Variants in ANKS3 observed in about 807,000 individuals in gnomAD.
The protein encoded by ANKS3 is ankyrin repeat and sterile alpha motif domain containing 3, also known as ankyrin repeat and SAM domain-containing protein 3.
ANKS3 carries 62 observed loss-of-function variants against 80.7 expected under a neutral mutation model. That is an observed-to-expected ratio of 0.77 (90% CI 0.63 to 0.95). The LOEUF (loss-of-function observed/expected upper bound fraction) is 0.95, where lower values mean the gene tolerates loss of function less well. Ranked by LOEUF, ANKS3 falls within the 40% of genes least tolerant of loss-of-function variation. The pLI, the probability that ANKS3 is intolerant of heterozygous loss-of-function variation, is 0.00. For missense variants in ANKS3, 1,150 were observed against 883.6 expected (o/e 1.30, Z -3.82); for synonymous variants, 489 against 355.3 (o/e 1.38, Z -4.23).
chr16:4,725,318 G>A (rs535695529), intron 5 of ANKS3, among the ~76,000 whole-genome samples: 20 of 152,276 alleles, frequency 1.3e-4, no homozygotes, highest in African/African-American at 4.1e-4. Context: ...ACTCGGCACT[G>A]TCTTCAGAGG....
Position 4,696,635 on chromosome 16 carries a change from T to G in ANKS3, c.*273A>C, listed in dbSNP as rs2079567390. On this transcript the variant is annotated 3_prime_UTR_variant, in exon 18 of 18. Transcript: ENST00000304283. ...TGGATACACTTTCCCCCCAGGGCCC[T>G]GCCTGGTATGGGCCAGGGCAGCCCA... is the stretch of plus-strand genomic sequence containing the variant. 3.8e-6 allele frequency: 1 copy of G among 261,864 alleles called. No homozygotes were observed. Among genetic ancestry groups the G allele is most frequent in the African/African-American group, 2.2e-5 (1 of 44,694 alleles). 16.2% of individuals were successfully genotyped at this position (261,864 alleles called of 1,614,324 possible). A position where few individuals can be genotyped will look rare whatever the true frequency, so the allele number is the denominator to read the frequency against.
chr16:4,727,284 A>G, intron 3 of ANKS3, 107 bp from the exon 4 acceptor site: 1 of 1,138,812 alleles, frequency 8.8e-7, no homozygotes, highest in Non-Finnish European at 1.3e-6. Flanking sequence ...CAGGAAGCAG[A>G]AGTTATCTGC....
intron 1 of ANKS3, among the ~76,000 whole-genome samples, 197 bp downstream of exon 1, chr16:4,733,741 T>C (rs752775863): frequency 6.6e-6 from 1 of 152,182 alleles, no homozygotes; most frequent in Non-Finnish European, 1.5e-5. Context: ...GCCATAAATA[T>C]ATACACCTAC....
Position 4,705,107 on chromosome 16 carries a change from G to T in ANKS3, c.856C>A (p.Arg286=). 6.2e-7 allele frequency: 1 copy of T among 1,612,574 alleles called. No individual in the cohort carries two copies. Among genetic ancestry groups the T allele is most frequent in the Non-Finnish European group, 8.5e-7 (1 of 1,180,000 alleles). The stretch of plus-strand genomic sequence containing the variant: ...GCGGGCCACTCACCATAGCGAGGCC[G>T]TGGGGCTCTGCCGCCCAGGCCAATG... ...TGIGLGGRAP[R]PRYEQAPPRG... Residue 286 remains arginine, a synonymous_variant, in exon 8 of 18, where the codon CGG becomes AGG. Transcript: ENST00000304283.
In ANKS3 at chr16:4,727,047, C is replaced by T. The variant is rs912412051; in HGVS notation, c.301G>A (p.Glu101Lys). The change falls in exon 4 of 18, where the codon GAA (glutamate) becomes AAA (lysine). Residue 101 changes from glutamate to lysine, a missense_variant. By Grantham distance (56) the Glu-to-Lys change is moderately conservative. Transcript: ENST00000304283. Reference protein sequence around the residue: ...AGVSVNVPTPEGQTPLMLASS... With the variant: ...AGVSVNVPTPKGQTPLMLASS... ...GCCAGCATCAGTGGAGTCTGCCCTT[C>T]TGGGGTCGGCACATTCACACTCACC... is the stretch of plus-strand genomic sequence containing the variant. 3 of 1,614,212 alleles carry T rather than the reference C, an allele frequency of 1.9e-6. No individual in the cohort carries two copies. Among genetic ancestry groups the T allele is most frequent in the East Asian group, 2.2e-5 (1 of 44,890 alleles).
intron 8 of ANKS3, among the ~76,000 whole-genome samples, chr16:4,702,972 C>T (rs1261027423): frequency 6.6e-6 from 1 of 152,162 alleles, no homozygotes; most frequent in Admixed American, 6.5e-5. Flanking sequence ...CACTGCACTC[C>T]AGCCTGGGCT....
At chr16:4,714,579 A>G (rs1369570260) in intron 6 of ANKS3, among the ~76,000 whole-genome samples, 1 of 152,388 alleles carries the variant, frequency 6.6e-6, no homozygotes, top group Non-Finnish European at 1.5e-5. Context: ...CCTCTGAAGC[A>G]GAATTCGTAA....
In ANKS3 at chr16:4,696,698, C is replaced by A. The variant is rs2079570469; in HGVS notation, c.*210G>T. On this transcript the variant is annotated 3_prime_UTR_variant, in exon 18 of 18. Transcript: ENST00000304283. ...CTCACCACGAGGTTCTGGGTGAGGCCCTCGTCCCGCCTCAGTGCTGGCCCG... is the reference window on the plus strand; with the variant it reads ...CTCACCACGAGGTTCTGGGTGAGGCACTCGTCCCGCCTCAGTGCTGGCCCG... 2.4e-6 allele frequency: 1 copy of A among 417,930 alleles called. No individual in the cohort carries two copies. The highest frequency in any genetic ancestry group is 4.5e-6 in the Non-Finnish European group (1 of 224,258). 25.9% of individuals were successfully genotyped at this position (417,930 alleles called of 1,614,324 possible). A position where few individuals can be genotyped will look rare whatever the true frequency, so the allele number is the denominator to read the frequency against.
intron 14 of ANKS3, 137 bp downstream of exon 14, chr16:4,698,290 G>T: frequency 7.8e-7 from 1 of 1,289,156 alleles, no homozygotes; most frequent in Non-Finnish European, 1.0e-6. Flanking sequence ...AGGGCCTGAT[G>T]AAATGGGGGT....
chr16:4,719,201 A>G (rs771339414), intron 6 of ANKS3, among the ~76,000 whole-genome samples: 1 of 152,140 alleles, frequency 6.6e-6, no homozygotes, highest in Non-Finnish European at 1.5e-5. Flanking sequence ...GTGTGATAGC[A>G]TGCGCTTGTG....
intron 6 of ANKS3, among the ~76,000 whole-genome samples, chr16:4,714,576 A>C (rs1444328316): frequency 6.6e-6 from 1 of 152,374 alleles, no homozygotes; most frequent in South Asian, 2.1e-4. Flanking sequence ...CATCCTCTGA[A>C]GCAGAATTCG....
Position 4,733,934 on chromosome 16 carries a change from TCA to T in ANKS3, c.-71+2_-71+3del, listed in dbSNP as rs1435102789. ...GGTCCCTGGCCGACAAACCCGTAAC[TCA>T]CAGCAGTGACGCTTCCCGACGCCCC... On this transcript the variant is annotated splice_donor_variant and splice_donor_region_variant and intron_variant, in intron 1 of 17. Transcript: ENST00000304283. LOFTEE classifies it low-confidence loss of function (5UTR_SPLICE). 1.0e-6 allele frequency: 1 copy of T among 985,290 alleles called. No individual in the cohort carries two copies. The highest frequency in any genetic ancestry group is 6.2e-5 in the Admixed American group (1 of 16,256). 61.0% of individuals were successfully genotyped at this position (985,290 alleles called of 1,614,324 possible).
intron 7 of ANKS3, among the ~76,000 whole-genome samples, chr16:4,709,892 T>G (rs1423052376): frequency 2.0e-5 from 3 of 152,126 alleles, no homozygotes; most frequent in Non-Finnish European, 4.4e-5. Flanking sequence ...GTGCCTGTAG[T>G]GCCAGCTACT....
intron 6 of ANKS3, among the ~76,000 whole-genome samples, chr16:4,715,015 A>AG (rs2080717212): frequency 6.6e-6 from 1 of 150,470 alleles, no homozygotes; most frequent in Non-Finnish European, 1.5e-5. Context: ...AAAAAAAAAA[A>AG]GGATGTTTGG....
chr16:4,726,621 T>C lies in ANKS3; in HGVS notation c.491+38A>G, dbSNP rs199691140. The C allele has an allele frequency of 6.1e-4, 971 of 1,599,836 alleles. 5 individuals carry two copies. The highest frequency in any genetic ancestry group is 4.3e-3 in the Middle Eastern group (26 of 6,038). On this transcript the variant is annotated intron_variant, in intron 5 of 17. Coordinates refer to ENST00000304283, the MANE Select transcript of ANKS3 (RefSeq NM_133450.4). ...ACCCTCCTTAGAGTCAGATGACACCTAGGCCACTCCTGTGGCCACTAAAGA... is the reference window on the plus strand; with the variant it reads ...ACCCTCCTTAGAGTCAGATGACACCCAGGCCACTCCTGTGGCCACTAAAGA...
At position 4,696,804 on chromosome 16, in the gene ANKS3, G is replaced by A; in HGVS notation, c.*104C>T. On this transcript the variant is annotated 3_prime_UTR_variant, in exon 18 of 18. Transcript: ENST00000304283. ...GGGGCCTGATCCTCTGGCCCCCACT[G>A]GGCCTGGGCTGCACATGGCAGCTAC... is the stretch of plus-strand genomic sequence containing the variant. 1 of 595,892 alleles carries A rather than the reference G, an allele frequency of 1.7e-6. No individual in the cohort carries two copies. The highest frequency in any genetic ancestry group is 3.0e-6 in the Non-Finnish European group (1 of 335,638). 36.9% of individuals were successfully genotyped at this position (595,892 alleles called of 1,614,324 possible). A position where few individuals can be genotyped will look rare whatever the true frequency, so the allele number is the denominator to read the frequency against.
intron 11 of ANKS3, chr16:4,700,261 C>T (rs1028994265): frequency 5.2e-5 from 8 of 154,182 alleles, no homozygotes; most frequent in African/African-American, 1.9e-4. Context: ...ACTAAAAATA[C>T]AAAAAATTAG....
At chr16:4,730,953 G>T (rs918395673) in intron 2 of ANKS3, among the ~76,000 whole-genome samples, 16 of 152,032 alleles carry the variant, frequency 1.1e-4, no homozygotes, top group African/African-American at 3.9e-4. Context: ...ATCTAAAAAG[G>T]CTGCTATTAT....
intron 2 of ANKS3, among the ~76,000 whole-genome samples, chr16:4,731,221 G>A (rs866523775): frequency 7.9e-5 from 12 of 152,200 alleles, no homozygotes; most frequent in Admixed American, 7.9e-4. Flanking sequence ...CGGTGGATCT[G>A]TGACTCCATG....
Sources: allele counts gnomAD v4.1 joint callset (sites outside exome capture counted in the v4.1 genomes callset), GRCh38; gene constraint gnomAD v4.1.1; transcripts MANE v1.5; gene names NCBI Gene and HGNC (gene_info 2026-07-23, HGNC 2026-07-21).